The following HAL variants were observed in gnomAD, a reference collection of about 807,000 sequenced individuals.
HAL encodes histidine ammonia-lyase.
Under a neutral mutation model 81.1 loss-of-function variants are expected in HAL, and 85 were observed. The observed-to-expected ratio is 1.05, with a 90% CI of 0.88 to 1.25. HAL has a LOEUF of 1.25. Ranked by LOEUF, HAL falls within the 50% of genes most tolerant of loss-of-function variation. The probability of loss-of-function intolerance (pLI) is 0.00; values close to 1 mark genes in which losing one functional copy is unlikely to be tolerated. For synonymous variants in HAL, 301 were observed against 309.2 expected (o/e 0.97, Z 0.28); for missense variants, 798 against 836.6 (o/e 0.95, Z 0.57).
chr12:95,993,146 A>T (rs969282306), intron 8 of HAL, among the ~76,000 whole-genome samples: 1 of 152,074 alleles, frequency 6.6e-6, no homozygotes. Context: ...AGTCTTTCCC[A>T]TCTCACTATG....
At chr12:95,987,258 C>T (rs760472197) in intron 11 of HAL, 44 bp from the exon 12 acceptor site, 39 of 1,534,918 alleles carry the variant, frequency 2.5e-5, no homozygotes, top group Admixed American at 8.3e-5. Flanking sequence ...ATTATTGTAA[C>T]GAACCTACAT....
At chr12:95,977,773 C>T (rs1010760357) in intron 18 of HAL, among the ~76,000 whole-genome samples, 171 bp downstream of exon 18, 9 of 152,056 alleles carry the variant, frequency 5.9e-5, no homozygotes, top group Admixed American at 4.6e-4. Flanking sequence ...CAGATTGCTC[C>T]GCTCTCCTCC....
In HAL at chr12:95,994,076, C is replaced by T. The variant is rs1346811852; in HGVS notation, c.411+14G>A. The T allele has an allele frequency of 6.2e-7, 1 of 1,608,162 alleles. No homozygotes were observed. Among genetic ancestry groups the T allele is most frequent in the Non-Finnish European group, 8.5e-7 (1 of 1,174,574 alleles). On this transcript the variant is annotated intron_variant, in intron 5 of 20. Coordinates refer to ENST00000261208, the MANE Select transcript of HAL (RefSeq NM_002108.4). The stretch of plus-strand genomic sequence containing the variant: ...AAAATGGCCAGAGGACATCTTTCCC[C>T]TCCCTCCCCATACCTTTATTTTGTA...
rs1413525414 is a variant in HAL, at chr12:95,973,516, G to A, written c.*716C>T. 1 of 152,206 alleles carries A rather than the reference G, an allele frequency of 6.6e-6. No homozygotes were observed. Among genetic ancestry groups the A allele is most frequent in the East Asian group, 1.9e-4 (1 of 5,190 alleles). The allele number at this position is 152,206 out of a possible 1,614,324, so 9.4% of individuals were successfully genotyped here. ...ACCTCAAACTCCCATGTAAGCATTT[G>A]GGGGATACGTGTAGTGATAAGTACA... is the stretch of plus-strand genomic sequence containing the variant. On this transcript the variant is annotated 3_prime_UTR_variant, in exon 21 of 21. Coordinates refer to ENST00000261208, the MANE Select transcript of HAL (RefSeq NM_002108.4).
At position 95,995,764 on chromosome 12, in the gene HAL, A is replaced by T. The variant is rs750727447; in HGVS notation, c.147T>A (p.Asp49Glu). Residue 49 changes from aspartate (D) to glutamate (E), a missense_variant, in exon 2 of 21, where the codon GAT (aspartate) becomes GAA (glutamate). Physicochemically the swap from Asp to Glu is conservative, Grantham distance 45. Transcript: ENST00000261208. ...KPDNGGFTSVDDAHFLVRRCK... is the reference protein window; with the variant it reads ...KPDNGGFTSVEDAHFLVRRCK... ...ACCGGCGCACAAGGAAGTGCGCGTCATCCACGGAGGTGAAGCCACCATTGT... is the reference window on the plus strand; with the variant it reads ...ACCGGCGCACAAGGAAGTGCGCGTCTTCCACGGAGGTGAAGCCACCATTGT... The T allele has an allele frequency of 1.2e-6, 2 of 1,613,658 alleles. No homozygotes were observed. Among genetic ancestry groups the T allele is most frequent in the African/African-American group, 2.7e-5 (2 of 74,952 alleles).
At chr12:95,991,294 GA>G (rs982184163) in intron 9 of HAL, among the ~76,000 whole-genome samples, 1 of 151,958 alleles carries the variant, frequency 6.6e-6, no homozygotes, top group African/African-American at 2.4e-5. Flanking sequence ...TTTATTATAG[GA>G]AAAATAGTTA....
chr12:95,992,900 G>T, intron 8 of HAL, 95 bp from the exon 9 acceptor site: 1 of 1,053,262 alleles, frequency 9.5e-7, no homozygotes, highest in Non-Finnish European at 1.4e-6. Context: ...CCCATATGTA[G>T]CCCAGCCTGC....
intron 2 of HAL, 58 bp from the exon 3 acceptor site, chr12:95,995,051 G>T (rs1950016531): frequency 2.3e-6 from 3 of 1,301,248 alleles, no homozygotes; most frequent in Non-Finnish European, 3.3e-6. Flanking sequence ...TGTTCCCCCT[G>T]TTAAACCAAG....
In HAL at chr12:95,995,845, G is replaced by GAGCT. The variant is rs1192662502; in HGVS notation, c.62_65dup (p.Thr23AlafsTer18). On this transcript the variant is annotated frameshift_variant, in exon 2 of 21. Coordinates refer to ENST00000261208, the MANE Select transcript of HAL (RefSeq NM_002108.4). LOFTEE classifies it high-confidence loss of function. The stretch of plus-strand genomic sequence containing the variant: ...CCTCCCGGCCCAGCCAGCCCACAGT[G>GAGCT]AGCTGCGCGTCCTGGCAGGGCACTG... The GAGCT allele has an allele frequency of 1.2e-6, 2 of 1,610,814 alleles. No homozygotes were observed. The highest frequency in any genetic ancestry group is 1.7e-6 in the Non-Finnish European group (2 of 1,179,970).
rs1204462097 is a variant in HAL at position 95,992,570 on chromosome 12, AATT to A, written c.715+107_715+109del. The A allele has an allele frequency of 3.0e-6, 3 of 1,011,140 alleles. No individual in the cohort carries two copies. In the African/African-American group the frequency reaches 4.8e-5, roughly 16 times the overall value. 62.6% of individuals were successfully genotyped at this position (1,011,140 alleles called of 1,614,324 possible). ...GCCAACGGCATTTCCCACTCATTTC[AATT>A]ATTTCATGTCTTCTCAGGTGATTCC... On this transcript the variant is annotated intron_variant, in intron 9 of 20. Coordinates refer to ENST00000261208, the MANE Select transcript of HAL (RefSeq NM_002108.4).
In HAL at chr12:95,976,702, C is replaced by A. The variant is rs535760788; in HGVS notation, c.1659G>T (p.Leu553=). 1.9e-6 allele frequency: 3 copies of A among 1,599,302 alleles called. No individual in the cohort carries two copies. In the South Asian group the frequency reaches 3.3e-5, roughly 18 times the overall value. ...LRVIEHVEQV[L]AIELLAACQG... ...GGCAGGCTGCAAGGAGCTCGATGGC[C>A]AGCACTGAAACAAGAAATTCCAAGA... Residue 553 remains leucine, a synonymous_variant, in exon 19 of 21, where the codon CTG becomes CTT. Transcript: ENST00000261208.
chr12:95,974,328 C>T lies in HAL; in HGVS notation c.1878G>A (p.Glu626=), dbSNP rs1352200822. ...AAAGAGGTCTTGATTCTGGAATATGCTCCATTCTGTATTTTTCAATGTATG... is the reference window on the plus strand; with the variant it reads ...AAAGAGGTCTTGATTCTGGAATATGTTCCATTCTGTATTTTTCAATGTATG... ...AAPYIEKYRM[E]HIPESRPLSP... Residue 626 remains glutamate, a synonymous_variant, in exon 21 of 21, where the codon GAG becomes GAA. Coordinates refer to ENST00000261208, the MANE Select transcript of HAL (RefSeq NM_002108.4). 1 of 1,612,694 alleles carries T rather than the reference C, an allele frequency of 6.2e-7. No individual in the cohort carries two copies. The highest frequency in any genetic ancestry group is 2.2e-5 in the East Asian group (1 of 44,880).
intron 20 of HAL, among the ~76,000 whole-genome samples, chr12:95,974,858 G>A (rs2136784136): frequency 6.6e-6 from 1 of 152,186 alleles, no homozygotes. Context: ...TTGTGCCTCA[G>A]CCTCCTGAGT....
intron 15 of HAL, among the ~76,000 whole-genome samples, chr12:95,982,322 AT>A (rs1179342145): frequency 2.0e-5 from 3 of 152,250 alleles, no homozygotes; most frequent in Admixed American, 6.5e-5. Flanking sequence ...ATTGAAAAAA[AT>A]AAAAGACTTT....
chr12:95,990,862 C>T (rs1477119482), intron 9 of HAL, among the ~76,000 whole-genome samples: 1 of 152,212 alleles, frequency 6.6e-6, no homozygotes, highest in East Asian at 1.9e-4. Context: ...GTAATCCCAG[C>T]ACTTTGGGAG....
chr12:95,980,264 T>C (rs747005327), intron 17 of HAL, among the ~76,000 whole-genome samples: 35 of 152,216 alleles, frequency 2.3e-4, no homozygotes, highest in Non-Finnish European at 4.6e-4. Flanking sequence ...AAAAAAGCTA[T>C]AGAGATGAAG....
At chr12:95,976,132 G>C (rs2080715834) in intron 20 of HAL, 2 of 419,610 alleles carry the variant, frequency 4.8e-6, no homozygotes, top group Admixed American at 3.5e-5. Context: ...GCAGGGGTGG[G>C]GAGGCATCAA....
rs189291930 is a variant in HAL at position 95,979,401 on chromosome 12, T to G, written c.1519+1155A>C. On this transcript the variant is annotated intron_variant, in intron 17 of 20. Transcript: ENST00000261208. ...TTTTAGTGCTTATGATGTGCCAGGC[T>G]TTATATACATCAATTCATTTAATCC... Among the ~76,000 whole-genome samples the G allele has an allele frequency of 2.6e-5, 4 of 152,310 alleles. No homozygotes were observed. In the East Asian group the frequency reaches 7.7e-4, roughly 29 times the overall value.
chr12:95,990,686 C>T (rs1011588082), intron 9 of HAL, among the ~76,000 whole-genome samples, 154 bp from the exon 10 acceptor site: 2 of 152,076 alleles, frequency 1.3e-5, no homozygotes, highest in African/African-American at 4.8e-5. Context: ...ATTCTTCAAA[C>T]CCAGCTAATA....
Sources: gnomAD v4.1 joint callset for allele counts (sites outside exome capture counted in the v4.1 genomes callset) on GRCh38, gnomAD v4.1.1 for gene constraint, MANE v1.5 for transcripts, NCBI Gene and HGNC (gene_info 2026-07-23, HGNC 2026-07-21) for gene names.